The following PRKN variants were observed in gnomAD, a reference collection of about 807,000 sequenced individuals.
PRKN encodes the protein E3 ubiquitin-protein ligase parkin.
PRKN carries 56 observed loss-of-function variants against 59.5 expected under a neutral mutation model. The ratio of observed to expected loss-of-function variants is 0.94; its 90% CI spans 0.76 to 1.18. The LOEUF (loss-of-function observed/expected upper bound fraction) is 1.18, where lower values mean the gene tolerates loss of function less well. Ranked by LOEUF, PRKN falls within the 50% of genes most tolerant of loss-of-function variation. The pLI is 0.00. For missense variants in PRKN, 657 were observed against 596.4 expected, an observed-to-expected ratio of 1.10 and a Z score of -1.06; for synonymous variants, 250 against 222.1, an observed-to-expected ratio of 1.13 and a Z score of -1.12.
chr6:162,359,685 C>G (rs181632501), intron 2 of PRKN, among the ~76,000 whole-genome samples: 1 of 151,842 alleles, frequency 6.6e-6, no homozygotes, highest in African/African-American at 2.4e-5. Flanking sequence ...TTAATACCCA[C>G]TTCTTGATCT....
At chr6:162,505,113 T>C (rs6939169) in intron 1 of PRKN, among the ~76,000 whole-genome samples, 49,577 of 152,108 alleles carry the variant, frequency 0.33, 8,581 homozygotes, top group Middle Eastern at 0.39. Context: ...TTTATTTGTA[T>C]GACCAGATAG....
At chr6:161,508,802 G>C (rs1477968232) in intron 9 of PRKN, among the ~76,000 whole-genome samples, 1 of 151,778 alleles carries the variant, frequency 6.6e-6, no homozygotes, top group Non-Finnish European at 1.5e-5. Flanking sequence ...AAACGGACCA[G>C]AGCTAAGAAT....
At chr6:161,809,473 G>A (rs1583192566) in intron 6 of PRKN, among the ~76,000 whole-genome samples, 1 of 152,104 alleles carries the variant, frequency 6.6e-6, no homozygotes, top group South Asian at 2.1e-4. Flanking sequence ...TGGAATTATT[G>A]GTTCTGTGTG....
rs1156926592 is a variant in PRKN at position 162,056,801 on chromosome 6, C to A, written c.535-2627G>T. The stretch of plus-strand genomic sequence containing the variant: ...GCCCCAGGCAGAGGTGTCTGCATGA[C>A]CAGTTCCCACTAAAATCGCTGGGCA... On this transcript the variant is annotated intron_variant, in intron 4 of 11. Coordinates refer to ENST00000366898, the MANE Select transcript of PRKN (RefSeq NM_004562.3). This position sits in a 1 kb window ranked among gnomAD's most constrained non-coding sequence, Gnocchi z 4.9. Among the ~76,000 whole-genome samples the A allele has an allele frequency of 6.6e-6, 1 of 152,140 alleles. No homozygotes were observed. Among genetic ancestry groups the A allele is most frequent in the African/African-American group, 2.4e-5 (1 of 41,422 alleles).
chr6:161,653,614 T>C (rs1784229481), intron 7 of PRKN, among the ~76,000 whole-genome samples: 1 of 152,202 alleles, frequency 6.6e-6, no homozygotes. Flanking sequence ...TCTCTAGCCA[T>C]TTAGGAATAA....
chr6:162,690,962 G>GT (rs1777751957), intron 1 of PRKN, among the ~76,000 whole-genome samples: 1 of 152,084 alleles, frequency 6.6e-6, no homozygotes, highest in African/African-American at 2.4e-5. Flanking sequence ...TCATGCTACA[G>GT]TAAATACCTT....
chr6:161,962,406 T>C (rs1338755193), intron 6 of PRKN, among the ~76,000 whole-genome samples: 1 of 152,048 alleles, frequency 6.6e-6, no homozygotes, highest in East Asian at 1.9e-4. Context: ...AGTAATGCAA[T>C]AGTTTTCTTT....
At chr6:162,669,875 C>T (rs755518736) in intron 1 of PRKN, among the ~76,000 whole-genome samples, 22 of 152,100 alleles carry the variant, frequency 1.4e-4, no homozygotes, top group Non-Finnish European at 2.9e-4. Flanking sequence ...AGAATTCAAA[C>T]GTCTCAAATA....
At chr6:161,926,510 G>A (rs1778975449) in intron 6 of PRKN, among the ~76,000 whole-genome samples, 1 of 152,152 alleles carries the variant, frequency 6.6e-6, no homozygotes, top group Admixed American at 6.5e-5. Flanking sequence ...AAATATTTCA[G>A]AATGAATGCA....
At chr6:162,398,730 T>G (rs1387279478) in intron 2 of PRKN, among the ~76,000 whole-genome samples, 1 of 152,190 alleles carries the variant, frequency 6.6e-6, no homozygotes. Flanking sequence ...TCACTTTATT[T>G]TCAGGGAAAC....
chr6:162,619,592 T>G (rs891110826), intron 1 of PRKN, among the ~76,000 whole-genome samples: 4 of 152,120 alleles, frequency 2.6e-5, no homozygotes, highest in Non-Finnish European at 4.4e-5. Flanking sequence ...GCACGGGAAA[T>G]GAACCTGACT....
At chr6:162,637,089 T>C (rs2128223654) in intron 1 of PRKN, among the ~76,000 whole-genome samples, 1 of 151,974 alleles carries the variant, frequency 6.6e-6, no homozygotes, top group South Asian at 2.1e-4. Context: ...ACCCCATCTC[T>C]ACTAAAAAAT....
At chr6:162,343,716 T>C (rs544352245) in intron 2 of PRKN, among the ~76,000 whole-genome samples, 1 of 152,272 alleles carries the variant, frequency 6.6e-6, no homozygotes, top group East Asian at 1.9e-4. Context: ...TGTGTATGTG[T>C]GCAAGCATGC....
chr6:161,772,402 C>T lies in PRKN; in HGVS notation c.871+13370G>A, dbSNP rs151120917. The stretch of plus-strand genomic sequence containing the variant: ...ATGTGTCTCTAATGTTGCATATTGC[C>T]GAGCGGCTCTCTGGCTGCTGTAAGT... On this transcript the variant is annotated intron_variant, in intron 7 of 11. Coordinates refer to ENST00000366898, the MANE Select transcript of PRKN (RefSeq NM_004562.3). Among the ~76,000 whole-genome samples the T allele has an allele frequency of 7.9e-5, 12 of 152,226 alleles. No homozygotes were observed. The East Asian group carries it at 1.4e-3, about 17-fold the overall frequency.
In PRKN at chr6:161,399,319, T is replaced by C. The variant is rs1345061454; in HGVS notation, c.1084-12442A>G. On this transcript the variant is annotated intron_variant, in intron 9 of 11. Coordinates refer to ENST00000366898, the MANE Select transcript of PRKN (RefSeq NM_004562.3). This position sits in a 1 kb window ranked among gnomAD's most constrained non-coding sequence, Gnocchi z 4.4. ...CTTGGAATATGGAAAGCTGTCACAC[T>C]GGCCCTCTGCCCTTGCAAAAAGGCA... Among the ~76,000 whole-genome samples, 1 of 152,204 alleles carries C rather than the reference T, an allele frequency of 6.6e-6. No homozygotes were observed. Among genetic ancestry groups the C allele is most frequent in the African/African-American group, 2.4e-5 (1 of 41,448 alleles).
At chr6:161,628,083 C>A (rs1449467729) in intron 7 of PRKN, among the ~76,000 whole-genome samples, 2 of 152,054 alleles carry the variant, frequency 1.3e-5, no homozygotes, top group Non-Finnish European at 2.9e-5. Flanking sequence ...TGGAAGTATA[C>A]AATACTTCTA....
Position 161,745,488 on chromosome 6 carries a change from A to G in PRKN, c.871+40284T>C, listed in dbSNP as rs1788376530. On this transcript the variant is annotated intron_variant, in intron 7 of 11. Transcript: ENST00000366898. ...TACAAAGTGTTCAGCTTTATGGCCA[A>G]GAGCAAGCATGCCACACCTGCGACC... Among the ~76,000 whole-genome samples the G allele has an allele frequency of 2.0e-5, 3 of 152,236 alleles. No individual in the cohort carries two copies. The South Asian group carries it at 6.2e-4, about 32-fold the overall frequency.
chr6:161,988,097 C>G (rs1266711518), intron 5 of PRKN, among the ~76,000 whole-genome samples: 1 of 152,138 alleles, frequency 6.6e-6, no homozygotes, highest in African/African-American at 2.4e-5. Flanking sequence ...ATGCCCCCAC[C>G]AGGAGAGAAA....
At chr6:161,891,329 A>T (rs553613472) in intron 6 of PRKN, among the ~76,000 whole-genome samples, 1 of 152,338 alleles carries the variant, frequency 6.6e-6, no homozygotes, top group African/African-American at 2.4e-5. Flanking sequence ...CAATCTTACC[A>T]TAAAAGTGAC....
Sources: gnomAD v4.1 joint callset for allele counts (sites outside exome capture counted in the v4.1 genomes callset) on GRCh38, gnomAD v4.1.1 for gene constraint, Gnocchi (gnomAD v3.1) non-coding constraint, MANE v1.5 for transcripts, NCBI Gene and HGNC (gene_info 2026-07-23, HGNC 2026-07-21) for gene names.